Variants in BNC2 observed in about 807,000 individuals in gnomAD.
BNC2 encodes zinc finger protein basonuclin-2.
A neutral mutation model predicts 76.3 loss-of-function variants in BNC2; 20 were observed. That is an observed-to-expected ratio of 0.26 (90% CI 0.18 to 0.38). The LOEUF (loss-of-function observed/expected upper bound fraction) is 0.38. BNC2 is among the 10% of genes least tolerant of loss of function. The probability of loss-of-function intolerance (pLI) is 1.00; values close to 1 mark genes in which losing one functional copy is unlikely to be tolerated. For missense variants in BNC2, 1,382 were observed against 1,399.8 expected (o/e 0.99, Z 0.20); for synonymous variants, 582 against 514.8 (o/e 1.13, Z -1.77).
chr9:16,456,138 G>C (rs1821443422), intron 5 of BNC2, among the ~76,000 whole-genome samples: 1 of 152,098 alleles, frequency 6.6e-6, no homozygotes, highest in African/African-American at 2.4e-5. Flanking sequence ...CTTAATGCCA[G>C]TTTAACATGA....
intron 4 of BNC2, among the ~76,000 whole-genome samples, chr9:16,566,648 C>G (rs965567232): frequency 3.3e-5 from 5 of 152,130 alleles, no homozygotes; most frequent in Non-Finnish European, 1.5e-5. Flanking sequence ...TCATAATACA[C>G]AGACTTTATG....
intron 2 of BNC2, among the ~76,000 whole-genome samples, chr9:16,731,752 C>T (rs1259812535): frequency 6.6e-6 from 1 of 152,056 alleles, no homozygotes; most frequent in African/African-American, 2.4e-5. Flanking sequence ...CTGTAACTTT[C>T]GAGCTGACAC....
At chr9:16,476,552 T>A (rs989812412) in intron 5 of BNC2, among the ~76,000 whole-genome samples, 5 of 149,534 alleles carry the variant, frequency 3.3e-5, no homozygotes, top group Non-Finnish European at 7.4e-5. Context: ...AACCCGTGTG[T>A]GTGTGTTGTT....
intron 1 of BNC2, among the ~76,000 whole-genome samples, chr9:16,797,733 G>A (rs1047751796): frequency 1.3e-5 from 2 of 152,034 alleles, no homozygotes; most frequent in Admixed American, 6.5e-5. Flanking sequence ...TGCCACCCTA[G>A]AAACCAGCAG....
intron 5 of BNC2, among the ~76,000 whole-genome samples, chr9:16,491,500 C>T (rs1220207442): frequency 1.3e-5 from 2 of 152,140 alleles, no homozygotes; most frequent in Non-Finnish European, 2.9e-5. Flanking sequence ...ACGCAGTATT[C>T]CTTCAAAATA....
intron 5 of BNC2, 97 bp from the exon 6 acceptor site, chr9:16,437,621 A>ATG: frequency 7.1e-7 from 1 of 1,416,950 alleles, no homozygotes; most frequent in Non-Finnish European, 9.6e-7. Flanking sequence ...GTGTGCTCAT[A>ATG]AAACACTGAG....
At chr9:16,649,221 T>C (rs912075487) in intron 3 of BNC2, among the ~76,000 whole-genome samples, 1 of 152,166 alleles carries the variant, frequency 6.6e-6, no homozygotes, top group Non-Finnish European at 1.5e-5. Flanking sequence ...CACTGCATCT[T>C]GGAGTTGCAA....
chr9:16,456,745 C>A (rs993737685), intron 5 of BNC2, among the ~76,000 whole-genome samples: 3 of 152,086 alleles, frequency 2.0e-5, no homozygotes, highest in African/African-American at 7.2e-5. Flanking sequence ...ATGAAAAACT[C>A]TAGCAAATTA....
chr9:16,704,528 A>AT (rs1823603633), intron 3 of BNC2, among the ~76,000 whole-genome samples: 1 of 151,034 alleles, frequency 6.6e-6, no homozygotes, highest in Admixed American at 6.6e-5. Flanking sequence ...CTGCAATTGA[A>AT]TTAGCATGGT....
chr9:16,712,913 A>C (rs1823891013), intron 3 of BNC2, among the ~76,000 whole-genome samples: 1 of 152,206 alleles, frequency 6.6e-6, no homozygotes. Flanking sequence ...TCTGAGATGC[A>C]AGGCATAGAC....
chr9:16,536,226 T>C (rs986864300), intron 5 of BNC2, among the ~76,000 whole-genome samples: 4 of 152,220 alleles, frequency 2.6e-5, no homozygotes, highest in African/African-American at 9.7e-5. Context: ...GGTTCTTGTA[T>C]ACCTTTCTAT....
At chr9:16,643,049 T>C (rs1316158853) in intron 3 of BNC2, among the ~76,000 whole-genome samples, 1 of 152,164 alleles carries the variant, frequency 6.6e-6, no homozygotes, top group Non-Finnish European at 1.5e-5. Flanking sequence ...CTCCCTAAAC[T>C]GAGCTATGAT....
intron 6 of BNC2, among the ~76,000 whole-genome samples, chr9:16,430,705 T>G (rs1820892324): frequency 6.6e-6 from 1 of 152,162 alleles, no homozygotes; most frequent in Admixed American, 6.5e-5. Flanking sequence ...ATACTATACA[T>G]TTCTGCTTTT....
intron 1 of BNC2, among the ~76,000 whole-genome samples, chr9:16,784,387 T>C (rs1826226653): frequency 6.6e-6 from 1 of 152,190 alleles, no homozygotes; most frequent in Non-Finnish European, 1.5e-5. Flanking sequence ...CTAAATCTAG[T>C]TTGGAGCGCT....
At chr9:16,517,682 C>A (rs1018820701) in intron 5 of BNC2, among the ~76,000 whole-genome samples, 42 of 152,130 alleles carry the variant, frequency 2.8e-4, no homozygotes, top group African/African-American at 9.9e-4. Context: ...TAGTTTACTT[C>A]CTTCCTCCAA....
chr9:16,736,179 A>T (rs968065108), intron 2 of BNC2, among the ~76,000 whole-genome samples: 2 of 151,056 alleles, frequency 1.3e-5, no homozygotes. Flanking sequence ...GGTTGCAGTG[A>T]CCCAAGATCG....
intron 3 of BNC2, among the ~76,000 whole-genome samples, chr9:16,669,503 T>A (rs988708435): frequency 6.6e-6 from 1 of 152,312 alleles, no homozygotes; most frequent in East Asian, 1.9e-4. Context: ...GAGATGCACA[T>A]CTCACTAGAC....
intron 3 of BNC2, among the ~76,000 whole-genome samples, chr9:16,627,838 GATC>G (rs1821042671): frequency 1.3e-5 from 2 of 152,034 alleles, no homozygotes; most frequent in Admixed American, 1.3e-4. Context: ...GGTTTAAACG[GATC>G]ATAATACTTT....
At chr9:16,661,744 A>C (rs1230659387) in intron 3 of BNC2, among the ~76,000 whole-genome samples, 1 of 152,196 alleles carries the variant, frequency 6.6e-6, no homozygotes, top group Non-Finnish European at 1.5e-5. Flanking sequence ...AACATCAATA[A>C]AATTAATTTC....
Sources: gnomAD v4.1 joint callset for allele counts (sites outside exome capture counted in the v4.1 genomes callset) on GRCh38, gnomAD v4.1.1 for gene constraint, MANE v1.5 for transcripts, NCBI Gene and HGNC (gene_info 2026-07-23, HGNC 2026-07-21) for gene names.